Variants in ANK2 observed in about 807,000 individuals in gnomAD.
The protein encoded by ANK2 is ankyrin 2.
ANK2 carries 83 observed loss-of-function variants against 360.5 expected under a neutral mutation model. That is an observed-to-expected ratio of 0.23 (90% CI 0.19 to 0.28). The LOEUF is 0.28. ANK2 is among the 10% of genes least tolerant of loss of function. ANK2 has a pLI of 1.00. For synonymous variants in ANK2, 1,740 were observed against 1,759.5 expected, an observed-to-expected ratio of 0.99 and a Z score of 0.28; for missense variants, 4,201 against 4,795.7, an observed-to-expected ratio of 0.88 and a Z score of 3.66.
chr4:113,145,363 G>A (rs2154387565), intron 1 of ANK2, among the ~76,000 whole-genome samples: 1 of 152,338 alleles, frequency 6.6e-6, no homozygotes, highest in East Asian at 1.9e-4. Flanking sequence ...TGATAAAGCA[G>A]ATTCATTAAA....
the ANK2 span, among the ~76,000 whole-genome samples, chr4:112,760,613 A>G: frequency 6.6e-6 from 1 of 151,012 alleles, no homozygotes; most frequent in East Asian, 1.9e-4. Context: ...ACATATGTAT[A>G]CATGTGCCAT....
chr4:112,911,304 T>C (rs528747151), intron 2 of ANK2, among the ~76,000 whole-genome samples: 5 of 150,250 alleles, frequency 3.3e-5, no homozygotes, highest in South Asian at 2.1e-4. Context: ...TCAGGAGATA[T>C]AGTTAACTAA....
Position 113,358,348 on chromosome 4 carries a change from T to C in ANK2, c.9730T>C (p.Cys3244Arg), listed in dbSNP as rs139128939. The change falls in exon 38 of 46, where the codon TGC becomes CGC. Residue 3244 changes from cysteine (C) to arginine (R), a missense_variant. Cys to Arg is a radical substitution (Grantham distance 180, BLOSUM62 -3). This residue lies in a region of ANK2 where 2,642 missense variants were observed against 2,714.5 expected (regional missense o/e 0.97). Coordinates refer to ENST00000357077, the MANE Select transcript of ANK2 (RefSeq NM_001148.6). Reference sequence around the variant, plus strand: ...TCTCTCTGGTGTAAAGCAGATATCCTGCCCCGACTCTTCTGAACCAGCTGT... The same window carrying C: ...TCTCTCTGGTGTAAAGCAGATATCCCGCCCCGACTCTTCTGAACCAGCTGT... ...PPLSGVKQIS[C>R]PDSSEPAVQV... is the part of the protein sequence containing the mutation. 15 of 1,613,906 alleles carry C rather than the reference T, an allele frequency of 9.3e-6. No individual in the cohort carries two copies. Among genetic ancestry groups the C allele is most frequent in the African/African-American group, 1.3e-5 (1 of 74,924 alleles).
chr4:112,858,345 G>T lies in ANK2; in HGVS notation c.-40+40081G>T, dbSNP rs187122664. ...ATCTTGAGCACAGACTATGTGCTAG[G>T]CATTCTTCAAGGTGCTTTTTATACG... On this transcript the variant is annotated intron_variant, in intron 1 of 30. Coordinates refer to the ANK2 transcript ENST00000503271. 7.5e-4 allele frequency among the ~76,000 whole-genome samples: 114 copies of T among 152,220 alleles called. No individual in the cohort carries two copies. The East Asian group carries it at 0.021, about 28-fold the overall frequency.
upstream of ANK2, among the ~76,000 whole-genome samples, chr4:112,814,729 G>A (rs1451177587): frequency 1.3e-5 from 2 of 152,200 alleles, no homozygotes; most frequent in African/African-American, 4.8e-5. Flanking sequence ...AGCTGTTGCT[G>A]TAGTCCAGGA....
At chr4:113,277,299 T>TAAAACAAAAA (rs1415558224) in intron 15 of ANK2, among the ~76,000 whole-genome samples, 3 of 152,254 alleles carry the variant, frequency 2.0e-5, no homozygotes, top group Non-Finnish European at 4.4e-5. Flanking sequence ...TTTTTAATAG[T>TAAAACAAAAA]ACATGTTTTT....
intron 35 of ANK2, among the ~76,000 whole-genome samples, chr4:113,347,447 G>A (rs1205139408): frequency 1.3e-5 from 2 of 152,066 alleles, no homozygotes; most frequent in Non-Finnish European, 2.9e-5. Flanking sequence ...GTACTGCTGC[G>A]GGCAAGCCAC....
At chr4:112,831,842 C>T (rs1021619879) in intron 1 of ANK2, among the ~76,000 whole-genome samples, 4 of 152,046 alleles carry the variant, frequency 2.6e-5, no homozygotes, top group African/African-American at 7.2e-5. Context: ...TGAACAATTC[C>T]GGACGTGCCA....
chr4:113,038,344 A>G (rs2062071155), intron 2 of ANK2, among the ~76,000 whole-genome samples: 1 of 152,038 alleles, frequency 6.6e-6, no homozygotes, highest in African/African-American at 2.4e-5. Flanking sequence ...CGTTTGACCC[A>G]GTAATATGTA....
At chr4:112,883,843 A>T (rs901241214) in intron 1 of ANK2, among the ~76,000 whole-genome samples, 5 of 138,160 alleles carry the variant, frequency 3.6e-5, no homozygotes, top group Non-Finnish European at 7.6e-5. Context: ...AAATATATAT[A>T]AAAATATCAT....
chr4:112,862,990 C>A (rs1324058701), intron 1 of ANK2, among the ~76,000 whole-genome samples: 2 of 152,082 alleles, frequency 1.3e-5, no homozygotes, highest in African/African-American at 2.4e-5. Context: ...ATGTTGTGCA[C>A]CCTTAGTGAT....
chr4:112,864,078 G>T (rs748810838), intron 1 of ANK2, among the ~76,000 whole-genome samples: 2 of 152,280 alleles, frequency 1.3e-5, no homozygotes, highest in Non-Finnish European at 2.9e-5. Context: ...AGAATAAAGA[G>T]ATTAGGTAGG....
chr4:113,115,981 C>T (rs561375678), intron 1 of ANK2, among the ~76,000 whole-genome samples: 9 of 152,116 alleles, frequency 5.9e-5, no homozygotes, highest in African/African-American at 2.2e-4. Flanking sequence ...GATTCTGTCT[C>T]CAGCTAAGAA....
At chr4:113,290,913 T>G (rs2067219015) in intron 20 of ANK2, among the ~76,000 whole-genome samples, 1 of 152,176 alleles carries the variant, frequency 6.6e-6, no homozygotes, top group African/African-American at 2.4e-5. Context: ...CACTTCTGAA[T>G]TGCTCCAGAC....
chr4:112,864,251 C>G (rs889259700), intron 1 of ANK2, among the ~76,000 whole-genome samples: 1 of 152,224 alleles, frequency 6.6e-6, no homozygotes, highest in Non-Finnish European at 1.5e-5. Context: ...CATCTCTTAT[C>G]ACTATGACAT....
intron 1 of ANK2, among the ~76,000 whole-genome samples, chr4:112,834,508 G>C (rs887898971): frequency 1.3e-5 from 2 of 151,996 alleles, no homozygotes; most frequent in African/African-American, 4.8e-5. Flanking sequence ...TGCCAATCTG[G>C]TTCTATCTAT....
At chr4:113,311,428 A>T (rs2079884874) in intron 24 of ANK2, 29 bp downstream of exon 24, 1 of 1,613,162 alleles carries the variant, frequency 6.2e-7, no homozygotes, top group Non-Finnish European at 8.5e-7. Flanking sequence ...AATTGATGTC[A>T]GCCAGAAGTA....
At chr4:113,278,087 G>A (rs892028691) in intron 16 of ANK2, 152 bp downstream of exon 16, 27 of 799,470 alleles carry the variant, frequency 3.4e-5, no homozygotes, top group South Asian at 3.0e-5. Context: ...TTCCATGACC[G>A]TCCAGGTACA....
intron 2 of ANK2, among the ~76,000 whole-genome samples, chr4:112,963,559 C>T (rs1018147229): frequency 2.0e-5 from 3 of 152,018 alleles, no homozygotes; most frequent in East Asian, 1.9e-4. Context: ...GACAGTAGCA[C>T]GTGTCTTGAG....
Sources: allele counts gnomAD v4.1 joint callset (sites outside exome capture counted in the v4.1 genomes callset), GRCh38; gene constraint gnomAD v4.1.1; regional missense constraint gnomAD v4.1.1; transcripts MANE v1.5; gene names NCBI Gene and HGNC (gene_info 2026-07-23, HGNC 2026-07-21).